CEP128: variants seen among roughly 807,000 people sequenced by gnomAD.
CEP128 encodes the protein centrosomal protein 128kDa.
In CEP128, 132 loss-of-function variants were observed where a neutral mutation model predicts 156.7. The observed-to-expected ratio is 0.84, with a 90% CI of 0.73 to 0.97. The LOEUF (loss-of-function observed/expected upper bound fraction) is 0.97. CEP128 is among the 50% of genes least tolerant of loss of function. CEP128 has a pLI of 0.00. For missense variants in CEP128, 1,252 were observed against 1,281.9 expected, an observed-to-expected ratio of 0.98 and a Z score of 0.36; for synonymous variants, 469 against 448.9, an observed-to-expected ratio of 1.04 and a Z score of -0.57.
At chr14:80,822,490 A>G in intron 13 of CEP128, 1 of 597,216 alleles carries the variant, frequency 1.7e-6, no homozygotes, top group Admixed American at 2.0e-5. Flanking sequence ...GCACCACTGC[A>G]TCCCGCGTCC....
intron 2 of CEP128, among the ~76,000 whole-genome samples, chr14:80,920,981 A>G (rs751458000): frequency 3.9e-5 from 6 of 152,242 alleles, no homozygotes; most frequent in South Asian, 2.1e-4. Flanking sequence ...AAGAATATTT[A>G]CTGTAATAGA....
chr14:80,864,128 A>G (rs1887653789), intron 8 of CEP128, among the ~76,000 whole-genome samples: 1 of 152,138 alleles, frequency 6.6e-6, no homozygotes, highest in African/African-American at 2.4e-5. Flanking sequence ...CTTCCTTATA[A>G]TTTTCTTAAT....
intron 19 of CEP128, among the ~76,000 whole-genome samples, chr14:80,709,344 G>A (rs1392551395): frequency 1.3e-5 from 2 of 152,066 alleles, no homozygotes; most frequent in South Asian, 4.2e-4. Flanking sequence ...CACTATGTTG[G>A]CCAGGCTGGT....
intron 13 of CEP128, among the ~76,000 whole-genome samples, chr14:80,819,716 G>A (rs867342206): frequency 5.5e-4 from 84 of 152,254 alleles, no homozygotes; most frequent in South Asian, 3.3e-3. Context: ...CATCCATGCC[G>A]AAAGGGCCTG....
intron 22 of CEP128, chr14:80,527,337 G>A (rs1286006495): frequency 5.6e-6 from 2 of 354,380 alleles, no homozygotes; most frequent in Non-Finnish European, 1.2e-5. Flanking sequence ...GGCTGAGGTG[G>A]GAGAATGAGG....
At chr14:80,609,672 C>A (rs893921452) in intron 19 of CEP128, among the ~76,000 whole-genome samples, 1 of 152,110 alleles carries the variant, frequency 6.6e-6, no homozygotes, top group Non-Finnish European at 1.5e-5. Flanking sequence ...TACACCCTAA[C>A]CAACAGAGTT....
chr14:80,716,208 CTTAA>C (rs1375081192), intron 19 of CEP128, among the ~76,000 whole-genome samples: 1 of 152,178 alleles, frequency 6.6e-6, no homozygotes, highest in Non-Finnish European at 1.5e-5. Flanking sequence ...TTTTTAACAA[CTTAA>C]TTGAGATAAA....
In CEP128 at chr14:80,836,329, T is replaced by C. The variant is rs144780039; in HGVS notation, c.933A>G (p.Glu311=). The change falls in exon 12 of 25, where the codon GAA becomes GAG. Residue 311 remains glutamate, a synonymous_variant. Transcript: ENST00000555265. ...SRETLLHQVE[E]LRTQLTKAEG... is the part of the protein sequence containing the mutation. The stretch of plus-strand genomic sequence containing the variant: ...CTGCTTTCGTAAGTTGTGTACGCAG[T>C]TCTTCTACCTAACACATGGTCAAAA... 8 of 1,613,806 alleles carry C rather than the reference T, an allele frequency of 5.0e-6. No individual in the cohort carries two copies. The highest frequency in any genetic ancestry group is 2.7e-5 in the African/African-American group (2 of 74,920).
chr14:80,737,360 T>C (rs768472476), intron 19 of CEP128, among the ~76,000 whole-genome samples: 5 of 151,480 alleles, frequency 3.3e-5, no homozygotes, highest in Non-Finnish European at 7.4e-5. Context: ...GCCAAGATTG[T>C]GCCACCACAC....
chr14:80,809,464 A>T (rs1884379494), intron 13 of CEP128, among the ~76,000 whole-genome samples: 1 of 152,164 alleles, frequency 6.6e-6, no homozygotes, highest in Non-Finnish European at 1.5e-5. Flanking sequence ...ATAGATAAAA[A>T]CTTCTCAAGT....
intron 21 of CEP128, among the ~76,000 whole-genome samples, chr14:80,539,147 C>T (rs1889622622): frequency 6.6e-6 from 1 of 152,116 alleles, no homozygotes; most frequent in South Asian, 2.1e-4. Context: ...AAGGTAAAAA[C>T]TCTCTGTCCT....
intron 24 of CEP128, among the ~76,000 whole-genome samples, chr14:80,497,876 C>G (rs572354638): frequency 6.6e-6 from 1 of 152,170 alleles, no homozygotes; most frequent in Non-Finnish European, 1.5e-5. Context: ...CACGTGCACA[C>G]GCACACACAC....
chr14:80,851,252 G>C (rs1886873919), intron 9 of CEP128, among the ~76,000 whole-genome samples: 1 of 152,088 alleles, frequency 6.6e-6, no homozygotes, highest in Non-Finnish European at 1.5e-5. Context: ...TTTGGCAAAA[G>C]GCATATAATA....
chr14:80,837,267 T>C (rs1886125627), intron 11 of CEP128, among the ~76,000 whole-genome samples: 1 of 152,230 alleles, frequency 6.6e-6, no homozygotes, highest in Non-Finnish European at 1.5e-5. Context: ...GAAGAAAGTA[T>C]AATTGCAGTT....
At chr14:80,905,052 A>G in intron 5 of CEP128, 121 bp from the exon 6 acceptor site, 2 of 618,408 alleles carry the variant, frequency 3.2e-6, no homozygotes, top group South Asian at 4.4e-5. Flanking sequence ...CCTAACCCAG[A>G]CTATTTCCCA....
intron 19 of CEP128, among the ~76,000 whole-genome samples, chr14:80,716,884 G>A (rs1034240099): frequency 4.6e-5 from 7 of 152,010 alleles, no homozygotes; most frequent in Admixed American, 1.3e-4. Context: ...CTATATCTTC[G>A]CCAGCAGTTG....
intron 18 of CEP128, among the ~76,000 whole-genome samples, chr14:80,755,730 T>C (rs1295952943): frequency 1.3e-5 from 2 of 152,208 alleles, no homozygotes; most frequent in African/African-American, 2.4e-5. Context: ...TGTCCAGTCA[T>C]AGTTCATGGG....
intron 19 of CEP128, among the ~76,000 whole-genome samples, chr14:80,685,937 A>T (rs1323663817): frequency 6.6e-6 from 1 of 152,118 alleles, no homozygotes; most frequent in Non-Finnish European, 1.5e-5. Context: ...CTCCTACGTA[A>T]CATTATATAC....
chr14:80,687,748 A>G (rs993451498), intron 19 of CEP128, among the ~76,000 whole-genome samples: 5 of 152,186 alleles, frequency 3.3e-5, no homozygotes, highest in African/African-American at 4.8e-5. Flanking sequence ...AAAAGAAAAA[A>G]TAACCAGTCA....
Sources: allele counts gnomAD v4.1 joint callset (sites outside exome capture counted in the v4.1 genomes callset), GRCh38; gene constraint gnomAD v4.1.1; transcripts MANE v1.5; gene names NCBI Gene and HGNC (gene_info 2026-07-23, HGNC 2026-07-21).